R3HDML: variants seen among roughly 807,000 people sequenced by gnomAD.
The protein encoded by R3HDML is peptidase inhibitor R3HDML.
R3HDML carries 21 observed loss-of-function variants against 24.2 expected under a neutral mutation model. The observed-to-expected ratio is 0.87, with a 90% CI of 0.62 to 1.25. The LOEUF (loss-of-function observed/expected upper bound fraction) is 1.25. Ranked by LOEUF, R3HDML falls within the 50% of genes most tolerant of loss-of-function variation. The probability of loss-of-function intolerance (pLI) is 0.00; values close to 1 mark genes in which losing one functional copy is unlikely to be tolerated. For synonymous variants in R3HDML, 133 were observed against 131.5 expected (o/e 1.01, Z -0.08); for missense variants, 301 against 340.3 (o/e 0.88, Z 0.91).
In R3HDML at chr20:44,350,821, GCTGGGC is replaced by G; in HGVS notation, c.*33_*38del. 6.2e-7 allele frequency: 1 copy of G among 1,612,944 alleles called. No homozygotes were observed. Among genetic ancestry groups the G allele is most frequent in the South Asian group, 1.1e-5 (1 of 90,822 alleles). ...TTCTCTGGGCTTTGGTGCGCCTCCA[GCTGGGC>G]CTGACCCTCCATGTCCTGCCCTCAA... On this transcript the variant is annotated 3_prime_UTR_variant, in exon 5 of 5. Coordinates refer to ENST00000217043, the MANE Select transcript of R3HDML (RefSeq NM_178491.4).
intron 4 of R3HDML, among the ~76,000 whole-genome samples, chr20:44,345,960 C>T (rs950073813): frequency 2.6e-5 from 4 of 152,114 alleles, no homozygotes; most frequent in Admixed American, 2.6e-4. Context: ...GCTGGGATTA[C>T]AGGCGTCTGC....
At chr20:44,348,482 C>CCTTTCCTTTCCTT (rs373380291) in intron 4 of R3HDML, among the ~76,000 whole-genome samples, 3 of 135,132 alleles carry the variant, frequency 2.2e-5, no homozygotes, top group African/African-American at 8.3e-5. Context: ...TTTTCCCTTT[C>CCTTTCCTTTCCTT]TCCTTTCCTT....
intron 4 of R3HDML, chr20:44,347,540 A>G (rs1182420882): frequency 2.6e-5 from 4 of 152,184 alleles, no homozygotes; most frequent in African/African-American, 7.2e-5. Context: ...CCAAAATTAT[A>G]TAATAACCAC....
exon 5 of R3HDML, chr20:44,351,231 CAAACAAAT>C (rs1339206724): frequency 5.2e-5 from 8 of 154,236 alleles, no homozygotes; most frequent in Non-Finnish European, 1.1e-4. Context: ...AACAAACAAA[CAAACAAAT>C]AAAAAACCTG....
intron 1 of R3HDML, among the ~76,000 whole-genome samples, chr20:44,339,986 C>T (rs1050976299): frequency 1.3e-5 from 2 of 151,964 alleles, no homozygotes; most frequent in Non-Finnish European, 2.9e-5. Context: ...CAGAGTTTCA[C>T]TGTTGTTGCC....
At chr20:44,341,159 A>G (rs1237885903) in intron 1 of R3HDML, 37 bp from the exon 2 acceptor site, 5 of 1,551,012 alleles carry the variant, frequency 3.2e-6, no homozygotes, top group Non-Finnish European at 4.4e-6. Context: ...GATGGTGGCA[A>G]TTCCCCTGGG....
At chr20:44,348,445 T>G (rs1394672221) in intron 4 of R3HDML, among the ~76,000 whole-genome samples, 2 of 149,376 alleles carry the variant, frequency 1.3e-5, no homozygotes, top group South Asian at 2.1e-4. Flanking sequence ...CCTTTTCCCT[T>G]TTTCCTTTCC....
chr20:44,346,383 G>C (rs4810424), intron 4 of R3HDML, among the ~76,000 whole-genome samples: 28,332 of 152,176 alleles, frequency 0.19, 3,466 homozygotes, highest in East Asian at 0.44. Flanking sequence ...CAAAGTGCTG[G>C]GATTACAGGC....
intron 4 of R3HDML, among the ~76,000 whole-genome samples, chr20:44,348,515 C>T (rs201681624): frequency 8.8e-6 from 1 of 113,338 alleles, no homozygotes; most frequent in Non-Finnish European, 1.8e-5. Flanking sequence ...CTTTCCTTTC[C>T]TTTCTTTTCT....
chr20:44,344,740 A>T (rs2062781495), intron 3 of R3HDML: 1 of 152,932 alleles, frequency 6.5e-6, no homozygotes, highest in African/African-American at 2.4e-5. Flanking sequence ...CCAAGATACC[A>T]CCACTGCACT....
intron 1 of R3HDML, among the ~76,000 whole-genome samples, chr20:44,338,838 G>A (rs920505411): frequency 1.1e-4 from 16 of 152,238 alleles, no homozygotes; most frequent in Non-Finnish European, 1.6e-4. Context: ...TTGGGAGGCC[G>A]AGGTGGGTGA....
chr20:44,345,303 A>T lies in R3HDML; in HGVS notation c.554A>T (p.His185Leu). 1 of 1,614,134 alleles carries T rather than the reference A, an allele frequency of 6.2e-7. No homozygotes were observed. Among genetic ancestry groups the T allele is most frequent in the Non-Finnish European group, 8.5e-7 (1 of 1,180,016 alleles). ...TCCAATCGGCTGGGCTGTGCCATCC[A>T]CACCTGTAGTAGCATCAGTGTCTGG... The part of the protein sequence containing the change: ...ASSNRLGCAI[H>L]TCSSISVWGN... The change falls in exon 4 of 5, where the codon CAC becomes CTC. Residue 185 changes from histidine (H) to leucine (L), a missense_variant. By Grantham distance (99) the His-to-Leu change is moderately conservative. Coordinates refer to ENST00000217043, the MANE Select transcript of R3HDML (RefSeq NM_178491.4).
In R3HDML at chr20:44,343,376, G is replaced by C. The variant is rs2062777213; in HGVS notation, c.381-1G>C. 6.2e-7 allele frequency: 1 copy of C among 1,607,908 alleles called. No individual in the cohort carries two copies. The highest frequency in any genetic ancestry group is 1.3e-5 in the African/African-American group (1 of 74,748). On this transcript the variant is annotated splice_acceptor_variant, in intron 2 of 4. Transcript: ENST00000217043. LOFTEE classifies it high-confidence loss of function. The stretch of plus-strand genomic sequence containing the variant: ...TTCTTCCGTGTCCCCCGCCTCCCCA[G>C]GTACCGGTCCGTAGTGGATCTCATG...
At chr20:44,343,757 G>A (rs2062778544) in intron 3 of R3HDML, among the ~76,000 whole-genome samples, 1 of 150,278 alleles carries the variant, frequency 6.7e-6, no homozygotes, top group South Asian at 2.1e-4. Flanking sequence ...GTGTAGTGGT[G>A]AGATCTCGGC....
chr20:44,343,875 C>T (rs1242885474), intron 3 of R3HDML, among the ~76,000 whole-genome samples: 7 of 151,962 alleles, frequency 4.6e-5, no homozygotes, highest in African/African-American at 1.5e-4. Flanking sequence ...CAGTGGCTCA[C>T]GCTTGTAATC....
At chr20:44,343,692 G>GT (rs1600600449) in intron 3 of R3HDML, among the ~76,000 whole-genome samples, 183 bp downstream of exon 3, 1 of 152,038 alleles carries the variant, frequency 6.6e-6, no homozygotes, top group Non-Finnish European at 1.5e-5. Context: ...TTTTGTTTTT[G>GT]TTTTTTGTTT....
intron 4 of R3HDML, chr20:44,347,954 A>ATTTT (rs35413702): frequency 4.2e-4 from 44 of 105,382 alleles, no homozygotes; most frequent in African/African-American, 5.3e-4. Flanking sequence ...ATAGCGTCTA[A>ATTTT]TTTTTTTTTT....
intron 1 of R3HDML, among the ~76,000 whole-genome samples, chr20:44,340,939 C>T (rs910630113): frequency 6.6e-6 from 1 of 152,190 alleles, no homozygotes; most frequent in Admixed American, 6.5e-5. Context: ...GTACGAACAC[C>T]CTGGGACCTG....
intron 1 of R3HDML, among the ~76,000 whole-genome samples, chr20:44,340,639 A>G (rs1050448446): frequency 6.6e-6 from 1 of 152,062 alleles, no homozygotes; most frequent in Non-Finnish European, 1.5e-5. Context: ...TACAAAAATT[A>G]GCCAGGTGTG....
Sources: allele counts gnomAD v4.1 joint callset (sites outside exome capture counted in the v4.1 genomes callset), GRCh38; gene constraint gnomAD v4.1.1; transcripts MANE v1.5; gene names NCBI Gene and HGNC (gene_info 2026-07-23, HGNC 2026-07-21).